The following MYO9B variants were observed in gnomAD, a reference collection of about 807,000 sequenced individuals.
MYO9B encodes unconventional myosin-IXb.
MYO9B carries 71 observed loss-of-function variants against 229.5 expected under a neutral mutation model. The observed-to-expected ratio is 0.31, with a 90% CI of 0.26 to 0.38. The LOEUF is 0.38. Ranked by LOEUF, MYO9B falls within the 10% of genes least tolerant of loss-of-function variation. The pLI is 1.00. For synonymous variants in MYO9B, 1,185 were observed against 1,235.8 expected (o/e 0.96, Z 0.86); for missense variants, 2,255 against 2,920.5 (o/e 0.77, Z 5.25).
At chr19:17,136,552 C>T (rs1207614824) in intron 2 of MYO9B, among the ~76,000 whole-genome samples, 4 of 152,104 alleles carry the variant, frequency 2.6e-5, no homozygotes, top group South Asian at 2.1e-4. Flanking sequence ...GCTCCGCAGC[C>T]GGGGTGATTT....
At chr19:17,192,015 G>T (rs527703226) in intron 20 of MYO9B, among the ~76,000 whole-genome samples, 12 of 152,014 alleles carry the variant, frequency 7.9e-5, no homozygotes, top group Non-Finnish European at 1.5e-4. Flanking sequence ...CCAGACAGGT[G>T]GTGTGATCTC....
intron 36 of MYO9B, among the ~76,000 whole-genome samples, 186 bp from the exon 37 acceptor site, chr19:17,210,147 G>A (rs1599431493): frequency 2.0e-5 from 3 of 152,138 alleles, no homozygotes; most frequent in Admixed American, 2.0e-4. Flanking sequence ...CCCTACCCAC[G>A]GGGAAATGTT....
At chr19:17,210,408 T>C in intron 37 of MYO9B, 28 bp downstream of exon 37, 1 of 1,568,420 alleles carries the variant, frequency 6.4e-7, no homozygotes. Flanking sequence ...GGGCCCGCGG[T>C]GCATGTCTCC....
In MYO9B at chr19:17,200,337, A is replaced by T. The variant is rs766466708; in HGVS notation, c.4283A>T (p.Lys1428Ile). 1.6e-5 allele frequency: 26 copies of T among 1,613,262 alleles called. No homozygotes were observed. The African/African-American group carries it at 3.3e-4, about 21-fold the overall frequency. ...TTTCTGCATAAAACCAAGGATAAAAAATACAGCCTGGAGGGCGCAGAGGAG... is the reference window on the plus strand; with the variant it reads ...TTTCTGCATAAAACCAAGGATAAAATATACAGCCTGGAGGGCGCAGAGGAG... ...RLFLHKTKDK[K>I]YSLEGAEELE... The change falls in exon 25 of 40, where the codon AAA (lysine) becomes ATA (isoleucine). Residue 1428 changes from lysine to isoleucine, a missense_variant. Transcript: ENST00000682292.
At chr19:17,180,341 A>ATTTT (rs776734202) in intron 14 of MYO9B, among the ~76,000 whole-genome samples, 10 of 88,000 alleles carry the variant, frequency 1.1e-4, no homozygotes, top group Non-Finnish European at 1.2e-4. Context: ...GATGGAAATA[A>ATTTT]TTTTTTTTTT....
Position 17,167,953 on chromosome 19 carries a change from A to G in MYO9B, c.1682A>G (p.Gln561Arg). The change falls in exon 11 of 40, where the codon CAG (glutamine) becomes CGG (arginine). Residue 561 changes from glutamine (Q) to arginine (R), a missense_variant. This residue lies in a region of MYO9B where 220 missense variants were observed against 404.5 expected (regional missense o/e 0.54). Coordinates refer to ENST00000682292, the MANE Select transcript of MYO9B (RefSeq NM_004145.4). ...HIFKLEQEEY[Q>R]GEGITWHNIG... ...GCGCCACCCCTGCAGGAGGAATATC[A>G]GGGCGAGGGGATCACGTGGCACAAC... 6.4e-7 allele frequency: 1 copy of G among 1,572,980 alleles called. No homozygotes were observed. The highest frequency in any genetic ancestry group is 2.3e-5 in the East Asian group (1 of 42,570).
chr19:17,089,977 T>G (rs1386126898), intron 1 of MYO9B, among the ~76,000 whole-genome samples: 5 of 152,162 alleles, frequency 3.3e-5, no homozygotes, highest in Admixed American at 6.6e-5. Context: ...TTTCTGTGTC[T>G]GTGGATTTGT....
intron 1 of MYO9B, chr19:17,099,390 G>A (rs1269381165): frequency 3.3e-5 from 5 of 152,188 alleles, no homozygotes; most frequent in Admixed American, 2.6e-4. Flanking sequence ...GGAGGAGGGT[G>A]AGGGTGAACA....
intron 10 of MYO9B, among the ~76,000 whole-genome samples, chr19:17,164,835 T>C (rs892662690): frequency 6.6e-6 from 1 of 152,138 alleles, no homozygotes; most frequent in African/African-American, 2.4e-5. Context: ...GCATTGGGAG[T>C]GTAGCTGGTC....
chr19:17,115,590 T>C (rs1423444365), intron 2 of MYO9B, among the ~76,000 whole-genome samples: 1 of 151,206 alleles, frequency 6.6e-6, no homozygotes, highest in South Asian at 2.1e-4. Flanking sequence ...TGCTTCAGCC[T>C]CCCGAGTAGT....
Position 17,162,987 on chromosome 19 carries a change from G to C in MYO9B, c.1537-1G>C. On this transcript the variant is annotated splice_acceptor_variant, in intron 9 of 39. Coordinates refer to ENST00000682292, the MANE Select transcript of MYO9B (RefSeq NM_004145.4). LOFTEE classifies it high-confidence loss of function. ...GTGACCATTTTCTCTGTCTCTCCCA[G>C]TGCCTGTCCATTGGGGTCCTGGACA... is the stretch of plus-strand genomic sequence containing the variant. 2 of 1,609,546 alleles carry C rather than the reference G, an allele frequency of 1.2e-6. No homozygotes were observed. The highest frequency in any genetic ancestry group is 1.7e-6 in the Non-Finnish European group (2 of 1,178,072).
At chr19:17,192,056 A>C (rs1432395999) in intron 20 of MYO9B, among the ~76,000 whole-genome samples, 1 of 150,934 alleles carries the variant, frequency 6.6e-6, no homozygotes, top group Admixed American at 6.7e-5. Context: ...TCCCAGGTTC[A>C]ACTGGTTCTC....
At chr19:17,122,726 CA>C (rs2057977116) in intron 2 of MYO9B, among the ~76,000 whole-genome samples, 1 of 152,166 alleles carries the variant, frequency 6.6e-6, no homozygotes, top group Non-Finnish European at 1.5e-5. Flanking sequence ...TATCAGTTAG[CA>C]GGCAGGAAAG....
intron 2 of MYO9B, among the ~76,000 whole-genome samples, chr19:17,140,135 G>A (rs2072320088): frequency 6.6e-6 from 1 of 152,142 alleles, no homozygotes; most frequent in Non-Finnish European, 1.5e-5. Flanking sequence ...TAAGAGTACA[G>A]TATTATAATC....
rs576153046 is a variant in MYO9B, at chr19:17,099,962, A to G, written c.-58-1698A>G. 1.8e-4 allele frequency among the ~76,000 whole-genome samples: 27 copies of G among 151,132 alleles called. No individual in the cohort carries two copies. In the East Asian group the frequency reaches 5.3e-3, roughly 29 times the overall value. On this transcript the variant is annotated intron_variant, in intron 1 of 39. Transcript: ENST00000682292. ...GTGAAACCCTGTCTATGCTAAAAAT[A>G]CAAAAAAAATTAGCCGGGCGTGGTG...
At chr19:17,157,089 C>A in intron 7 of MYO9B, 51 bp downstream of exon 7, 1 of 1,586,138 alleles carries the variant, frequency 6.3e-7, no homozygotes. Flanking sequence ...GGGCCGCTGG[C>A]TATCTCTCAG....
At chr19:17,206,649 G>A (rs1439988391) in intron 33 of MYO9B, 30 bp from the exon 34 acceptor site, 1 of 1,538,562 alleles carries the variant, frequency 6.5e-7, no homozygotes. Context: ...ACCCTTGGGA[G>A]CTGACGTCCT....
At chr19:17,173,037 G>C in intron 13 of MYO9B, 74 bp downstream of exon 13, 1 of 1,510,692 alleles carries the variant, frequency 6.6e-7, no homozygotes, top group East Asian at 2.3e-5. Context: ...ATCTTAAAGT[G>C]AACACTTCAG....
intron 2 of MYO9B, among the ~76,000 whole-genome samples, chr19:17,141,721 C>T (rs922952305): frequency 1.3e-5 from 2 of 152,184 alleles, no homozygotes; most frequent in African/African-American, 2.4e-5. Context: ...GAAGGGGGCA[C>T]CCCAGGAATC....
Sources: gnomAD v4.1 joint callset for allele counts (sites outside exome capture counted in the v4.1 genomes callset) on GRCh38, gnomAD v4.1.1 for gene constraint, gnomAD v4.1.1 regional missense constraint, MANE v1.5 for transcripts, NCBI Gene and HGNC (gene_info 2026-07-23, HGNC 2026-07-21) for gene names.